GTF2H5: variants seen among roughly 807,000 people sequenced by gnomAD.
GTF2H5 encodes the protein TFB5 ortholog.
In GTF2H5, 5 loss-of-function variants were observed where a neutral mutation model predicts 7.1. The ratio of observed to expected loss-of-function variants is 0.71; its 90% confidence interval spans 0.37 to 1.49. The LOEUF (loss-of-function observed/expected upper bound fraction) is 1.49. Ranked by LOEUF, GTF2H5 falls within the 40% of genes most tolerant of loss-of-function variation. GTF2H5 has a pLI of 0.03. For synonymous variants in GTF2H5, 30 were observed against 31.7 expected (o/e 0.95, Z 0.18); for missense variants, 80 against 83.0 (o/e 0.96, Z 0.14).
In GTF2H5 at chr6:158,193,860, G is replaced by T. The variant is rs537165081; in HGVS notation, c.*1703G>T. On this transcript the variant is annotated 3_prime_UTR_variant, in exon 3 of 3. Transcript: ENST00000607778. ...AAAAATTAGCCGGGCCTGGTGGCGG[G>T]TGCCTGTAGTCCCATCTACTCAGGA... The T allele has an allele frequency of 6.6e-6, 1 of 151,986 alleles. No homozygotes were observed. Among genetic ancestry groups the T allele is most frequent in the Non-Finnish European group, 1.5e-5 (1 of 68,058 alleles). The allele number at this position is 151,986 out of a possible 1,614,324, so 9.4% of individuals were successfully genotyped here. A position where few individuals can be genotyped will look rare whatever the true frequency, so the allele number is the denominator to read the frequency against.
chr6:158,192,952 C>G lies in GTF2H5; in HGVS notation c.*795C>G. On this transcript the variant is annotated 3_prime_UTR_variant, in exon 3 of 3. Coordinates refer to ENST00000607778, the MANE Select transcript of GTF2H5 (RefSeq NM_207118.3). Reference sequence around the variant, plus strand: ...AAAAATTCTACTTGTACCTTATTCCCTATGAGAATACTTATCAAACTTATC... The same window carrying G: ...AAAAATTCTACTTGTACCTTATTCCGTATGAGAATACTTATCAAACTTATC... 1 of 150,268 alleles carries G rather than the reference C, an allele frequency of 6.7e-6. No homozygotes were observed. Among genetic ancestry groups the G allele is most frequent in the Non-Finnish European group, 1.5e-5 (1 of 67,880 alleles). The allele number at this position is 150,268 out of a possible 1,614,324, so 9.3% of individuals were successfully genotyped here. A position where few individuals can be genotyped will look rare whatever the true frequency, so the allele number is the denominator to read the frequency against.
At chr6:158,169,268 GTATTTTATATATAATATATATT>G (rs1303971885) in intron 1 of GTF2H5, among the ~76,000 whole-genome samples, 99 of 127,148 alleles carry the variant, frequency 7.8e-4, no homozygotes, top group African/African-American at 2.9e-3. Context: ...TATTATATAT[GTATTTTATATATAATATATATT>G]TATTTTATAT....
intron 2 of GTF2H5, among the ~76,000 whole-genome samples, chr6:158,171,878 G>A (rs1358908767): frequency 6.6e-6 from 1 of 152,124 alleles, no homozygotes; most frequent in Non-Finnish European, 1.5e-5. Context: ...CAAAGGGGGT[G>A]GGATCTGGAC....
At chr6:158,184,703 T>G (rs1211497878) in intron 2 of GTF2H5, among the ~76,000 whole-genome samples, 1 of 152,176 alleles carries the variant, frequency 6.6e-6, no homozygotes, top group Non-Finnish European at 1.5e-5. Flanking sequence ...GAGTAATACT[T>G]AAAAATTTTT....
At chr6:158,191,827 T>C in intron 2 of GTF2H5, 150 bp from the exon 3 acceptor site, 4 of 683,188 alleles carry the variant, frequency 5.9e-6, no homozygotes, top group Non-Finnish European at 1.0e-5. Context: ...TATAAATTGT[T>C]AACACTTGAG....
chr6:158,169,655 A>ATAATGTATTGTATATTG (rs1270229749), intron 1 of GTF2H5, among the ~76,000 whole-genome samples: 3 of 56,448 alleles, frequency 5.3e-5, no homozygotes, highest in African/African-American at 1.1e-4. Context: ...TGTATATTAC[A>ATAATGTATTGTATATTG]TATAATATAT....
rs1217313282 is a variant in GTF2H5, at chr6:158,198,124, C to T, written c.*5967C>T. 1 of 152,188 alleles carries T rather than the reference C, an allele frequency of 6.6e-6. No individual in the cohort carries two copies. The highest frequency in any genetic ancestry group is 1.5e-5 in the Non-Finnish European group (1 of 68,040). 9.4% of individuals were successfully genotyped at this position (152,188 alleles called of 1,614,324 possible). A position where few individuals can be genotyped will look rare whatever the true frequency, so the allele number is the denominator to read the frequency against. Reference sequence around the variant, plus strand: ...ATAAAGGGGAAGATAGAAACACACACATATGCGTTGTTTTCCCCACTTTCA... The same window carrying T: ...ATAAAGGGGAAGATAGAAACACACATATATGCGTTGTTTTCCCCACTTTCA... On this transcript the variant is annotated 3_prime_UTR_variant, in exon 3 of 3. Transcript: ENST00000607778.
At position 158,195,321 on chromosome 6, in the gene GTF2H5, G is replaced by C. The variant is rs1161330901; in HGVS notation, c.*3164G>C. 6.6e-6 allele frequency: 1 copy of C among 152,024 alleles called. No homozygotes were observed. The highest frequency in any genetic ancestry group is 1.5e-5 in the Non-Finnish European group (1 of 68,008). The allele number at this position is 152,024 out of a possible 1,614,324, so 9.4% of individuals were successfully genotyped here. ...TAATAGAACTATGGACTGAAGTTGTGATATTGAGTGTTATATTTCTCAATA... is the reference window on the plus strand; with the variant it reads ...TAATAGAACTATGGACTGAAGTTGTCATATTGAGTGTTATATTTCTCAATA... On this transcript the variant is annotated 3_prime_UTR_variant, in exon 3 of 3. Coordinates refer to ENST00000607778, the MANE Select transcript of GTF2H5 (RefSeq NM_207118.3).
intron 2 of GTF2H5, among the ~76,000 whole-genome samples, chr6:158,183,257 A>C (rs182513841): frequency 2.0e-5 from 3 of 152,256 alleles, no homozygotes; most frequent in African/African-American, 7.2e-5. Flanking sequence ...TGGAAGCTTC[A>C]TCGTAGAGGG....
intron 2 of GTF2H5, among the ~76,000 whole-genome samples, chr6:158,191,724 C>T (rs1016976826): frequency 1.3e-5 from 2 of 152,170 alleles, no homozygotes; most frequent in African/African-American, 4.8e-5. Flanking sequence ...CCTGGTGATC[C>T]ACCCACCTCG....
intron 2 of GTF2H5, among the ~76,000 whole-genome samples, chr6:158,188,581 T>A (rs960692877): frequency 1.3e-5 from 2 of 152,248 alleles, no homozygotes; most frequent in Admixed American, 1.3e-4. Context: ...ATTGTTTACC[T>A]CTGAAATTTC....
chr6:158,195,445 C>G lies in GTF2H5; in HGVS notation c.*3288C>G, dbSNP rs1777093695. 6.6e-6 allele frequency: 1 copy of G among 152,058 alleles called. No individual in the cohort carries two copies. Among genetic ancestry groups the G allele is most frequent in the Non-Finnish European group, 1.5e-5 (1 of 68,002 alleles). 9.4% of individuals were successfully genotyped at this position (152,058 alleles called of 1,614,324 possible). On this transcript the variant is annotated 3_prime_UTR_variant, in exon 3 of 3. Coordinates refer to ENST00000607778, the MANE Select transcript of GTF2H5 (RefSeq NM_207118.3). ...AATTTCATGTGATTAATTTAAAATT[C>G]CAGGGATCCTATCTAACATCACAGT...
chr6:158,188,027 C>T (rs955073238), intron 2 of GTF2H5, among the ~76,000 whole-genome samples: 5 of 152,098 alleles, frequency 3.3e-5, no homozygotes, highest in African/African-American at 1.2e-4. Flanking sequence ...AGTCAGTTGG[C>T]AGATGGGGGG....
chr6:158,193,253 G>C lies in GTF2H5; in HGVS notation c.*1096G>C, dbSNP rs1231725569. On this transcript the variant is annotated 3_prime_UTR_variant, in exon 3 of 3. Coordinates refer to ENST00000607778, the MANE Select transcript of GTF2H5 (RefSeq NM_207118.3). ...CTTGATCATTGCTACTGCCACTCCA[G>C]CCTAGGTGACAGAGTGAGACCCTGT... 6.6e-6 allele frequency: 1 copy of C among 151,876 alleles called. No homozygotes were observed. Among genetic ancestry groups the C allele is most frequent in the Non-Finnish European group, 1.5e-5 (1 of 68,046 alleles). 9.4% of individuals were successfully genotyped at this position (151,876 alleles called of 1,614,324 possible).
At chr6:158,184,066 A>G (rs1554268355) in intron 2 of GTF2H5, among the ~76,000 whole-genome samples, 1 of 152,196 alleles carries the variant, frequency 6.6e-6, no homozygotes, top group Non-Finnish European at 1.5e-5. Context: ...TTATTTTCCA[A>G]GGTGGGACAC....
chr6:158,169,354 TAATACA>T (rs1241342323), intron 1 of GTF2H5, among the ~76,000 whole-genome samples: 1 of 85,854 alleles, frequency 1.2e-5, no homozygotes, highest in Non-Finnish European at 2.2e-5. Context: ...ATATTATATA[TAATACA>T]TATATATAAT....
At chr6:158,169,777 A>ATTGTATATTATATATAATATG (rs1785816448) in intron 1 of GTF2H5, among the ~76,000 whole-genome samples, 1 of 110,910 alleles carries the variant, frequency 9.0e-6, no homozygotes, top group Non-Finnish European at 1.7e-5. Flanking sequence ...TATATAATAT[A>ATTGTATATTATATATAATATG]TTGTATATTA....
chr6:158,168,891 A>AAG (rs1453806763), intron 1 of GTF2H5, among the ~76,000 whole-genome samples: 2 of 152,148 alleles, frequency 1.3e-5, no homozygotes, highest in Non-Finnish European at 2.9e-5. Context: ...TGAGGCCAGG[A>AAG]GTTCGAGACC....
intron 1 of GTF2H5, among the ~76,000 whole-genome samples, chr6:158,168,622 C>T (rs1583621906): frequency 6.6e-6 from 1 of 152,178 alleles, no homozygotes; most frequent in South Asian, 2.1e-4. Flanking sequence ...CGCCCTGCGC[C>T]CAGGTGTAAG....
Sources: gnomAD v4.1 joint callset for allele counts (sites outside exome capture counted in the v4.1 genomes callset) on GRCh38, gnomAD v4.1.1 for gene constraint, MANE v1.5 for transcripts, NCBI Gene and HGNC (gene_info 2026-07-23, HGNC 2026-07-21) for gene names.